PACSIN2: variants seen among roughly 807,000 people sequenced by gnomAD.
PACSIN2 encodes protein kinase C and casein kinase substrate in neurons protein 2.
A neutral mutation model predicts 63.8 loss-of-function variants in PACSIN2; 25 were observed. The observed-to-expected ratio is 0.39, with a 90% CI of 0.29 to 0.55. The LOEUF is 0.55. Ranked by LOEUF, PACSIN2 falls within the 20% of genes least tolerant of loss-of-function variation. The pLI, the probability that PACSIN2 is intolerant of heterozygous loss-of-function variation, is 0.62. For synonymous variants in PACSIN2, 255 were observed against 256.2 expected, an observed-to-expected ratio of 1.00 and a Z score of 0.05; for missense variants, 518 against 646.9, an observed-to-expected ratio of 0.80 and a Z score of 2.16.
chr22:43,001,302 T>C (rs770769895), intron 1 of PACSIN2, among the ~76,000 whole-genome samples: 2 of 152,204 alleles, frequency 1.3e-5, no homozygotes, highest in African/African-American at 4.8e-5. Context: ...GAGGCTTCCA[T>C]GAAGCCCCTG....
rs371287701 is a variant in PACSIN2, at chr22:42,871,501, G to C, written c.1349-32C>G. ...GACAAAGAGGGAGCCGTCTCCATGA[G>C]AGGTATGACACCGACGGTGGGCTAC... On this transcript the variant is annotated intron_variant, in intron 10 of 10. Coordinates refer to ENST00000263246, the MANE Select transcript of PACSIN2 (RefSeq NM_001184970.3). This position sits in a 1 kb window ranked among gnomAD's most constrained non-coding sequence, Gnocchi z 5.4. The C allele has an allele frequency of 2.0e-6, 3 of 1,513,188 alleles. No homozygotes were observed. The highest frequency in any genetic ancestry group is 2.8e-6 in the Non-Finnish European group (3 of 1,087,668). The allele number at this position is 1,513,188 out of a possible 1,614,324, so 93.7% of individuals were successfully genotyped here.
chr22:42,871,157 C>A lies in PACSIN2; in HGVS notation c.*200G>T. Reference sequence around the variant, plus strand: ...ATTTCTGTTGTTCTGCGTCTTCCTGCGCTCAGATCCCTCCAGCTGCACTCG... The same window carrying A: ...ATTTCTGTTGTTCTGCGTCTTCCTGAGCTCAGATCCCTCCAGCTGCACTCG... On this transcript the variant is annotated 3_prime_UTR_variant, in exon 11 of 11. Transcript: ENST00000263246. The surrounding 1 kb of genome is among the most constrained non-coding windows in gnomAD (Gnocchi z 5.4). 3.4e-6 allele frequency: 2 copies of A among 595,556 alleles called. No homozygotes were observed. The highest frequency in any genetic ancestry group is 6.0e-6 in the Non-Finnish European group (2 of 332,250). The allele number at this position is 595,556 out of a possible 1,614,324, so 36.9% of individuals were successfully genotyped here.
intron 2 of PACSIN2, among the ~76,000 whole-genome samples, chr22:42,900,770 G>A (rs1303928722): frequency 6.6e-6 from 1 of 152,170 alleles, no homozygotes; most frequent in Admixed American, 6.5e-5. Flanking sequence ...CACCGCACCC[G>A]ACCTAGTGTC....
At chr22:43,008,322 C>A (rs1924231559) in intron 1 of PACSIN2, among the ~76,000 whole-genome samples, 1 of 152,246 alleles carries the variant, frequency 6.6e-6, no homozygotes, top group East Asian at 1.9e-4. Flanking sequence ...ACAATCTCGG[C>A]TCACTGCAAC....
chr22:42,894,006 G>C (rs1457450899), intron 2 of PACSIN2, among the ~76,000 whole-genome samples: 1 of 152,122 alleles, frequency 6.6e-6, no homozygotes. Flanking sequence ...CTTCTGCTTT[G>C]ATGTCATCCA....
At chr22:43,005,364 G>A (rs1924025870) in intron 1 of PACSIN2, among the ~76,000 whole-genome samples, 1 of 152,194 alleles carries the variant, frequency 6.6e-6, no homozygotes, top group East Asian at 1.9e-4. Flanking sequence ...ACCCAGAAGA[G>A]AGCAAGGCCT....
chr22:42,899,306 A>G (rs1020671744), intron 2 of PACSIN2, among the ~76,000 whole-genome samples: 2 of 151,764 alleles, frequency 1.3e-5, no homozygotes, highest in African/African-American at 4.8e-5. Flanking sequence ...TTTTTTTTTG[A>G]GACGGAGTCT....
intron 2 of PACSIN2, among the ~76,000 whole-genome samples, chr22:42,911,393 G>A (rs943625180): frequency 1.1e-4 from 16 of 143,946 alleles, no homozygotes; most frequent in African/African-American, 3.9e-4. Flanking sequence ...CTGCGCTCTC[G>A]AGACCTCAAC....
At chr22:42,888,963 T>C (rs1436452927) in intron 4 of PACSIN2, among the ~76,000 whole-genome samples, 165 bp from the exon 5 acceptor site, 1 of 152,148 alleles carries the variant, frequency 6.6e-6, no homozygotes, top group African/African-American at 2.4e-5. Flanking sequence ...AGGAACGCAC[T>C]CAACACATAT....
chr22:42,952,427 C>T (rs1002900911), intron 1 of PACSIN2, among the ~76,000 whole-genome samples: 10 of 151,876 alleles, frequency 6.6e-5, no homozygotes, highest in Non-Finnish European at 1.2e-4. Flanking sequence ...ATGATCTTGG[C>T]TCACTGCAGC....
chr22:42,960,117 C>T (rs973046755), intron 1 of PACSIN2, among the ~76,000 whole-genome samples: 1 of 152,120 alleles, frequency 6.6e-6, no homozygotes, highest in Non-Finnish European at 1.5e-5. Flanking sequence ...CATACTACCC[C>T]CTCCCCAACA....
intron 1 of PACSIN2, among the ~76,000 whole-genome samples, chr22:42,956,895 C>T (rs1933938052): frequency 6.6e-6 from 1 of 152,098 alleles, no homozygotes; most frequent in Admixed American, 6.5e-5. Flanking sequence ...GGGAGGGAAG[C>T]ATATCAAATG....
intron 1 of PACSIN2, among the ~76,000 whole-genome samples, chr22:42,954,672 A>G (rs1341231368): frequency 6.6e-6 from 1 of 152,202 alleles, no homozygotes; most frequent in African/African-American, 2.4e-5. Context: ...AGTGGCTACC[A>G]CACTGGACAT....
intron 1 of PACSIN2, among the ~76,000 whole-genome samples, chr22:42,924,244 T>C (rs559890283): frequency 6.6e-6 from 1 of 152,250 alleles, no homozygotes; most frequent in Admixed American, 6.5e-5. Flanking sequence ...CCACTGTCAG[T>C]GCCACTATCA....
intron 1 of PACSIN2, among the ~76,000 whole-genome samples, chr22:42,970,824 T>C (rs11090130): frequency 0.017 from 2,636 of 152,174 alleles, 77 homozygotes; most frequent in African/African-American, 0.056. Context: ...CCACCAGATA[T>C]GGAGTGCTTG....
At chr22:42,942,621 C>A (rs1347320636) in intron 1 of PACSIN2, among the ~76,000 whole-genome samples, 1 of 152,166 alleles carries the variant, frequency 6.6e-6, no homozygotes, top group African/African-American at 2.4e-5. Flanking sequence ...CATGCTTCTG[C>A]AAGCAGATAT....
chr22:43,006,426 C>T (rs922958872), intron 1 of PACSIN2, among the ~76,000 whole-genome samples: 1 of 152,206 alleles, frequency 6.6e-6, no homozygotes, highest in African/African-American at 2.4e-5. Context: ...ATGTTCCTAA[C>T]CTCCAAAACC....
rs1475832052 is a variant in PACSIN2 at position 42,973,039 on chromosome 22, C to T, written c.-78+41982G>A. Among the ~76,000 whole-genome samples, 9 of 152,114 alleles carry T rather than the reference C, an allele frequency of 5.9e-5. No homozygotes were observed. The East Asian group carries it at 1.3e-3, about 23-fold the overall frequency. Reference sequence around the variant, plus strand: ...ATGACTTTTATGGCTGGGGTCAATACGGAAGTAAGAACTTTGACAGGGCAG... The same window carrying T: ...ATGACTTTTATGGCTGGGGTCAATATGGAAGTAAGAACTTTGACAGGGCAG... On this transcript the variant is annotated intron_variant, in intron 1 of 10. Coordinates refer to ENST00000263246, the MANE Select transcript of PACSIN2 (RefSeq NM_001184970.3).
chr22:42,907,275 T>C (rs144851731), intron 2 of PACSIN2, among the ~76,000 whole-genome samples: 1 of 152,346 alleles, frequency 6.6e-6, no homozygotes, highest in East Asian at 1.9e-4. Flanking sequence ...TGCAGAAAAC[T>C]GAAGCTTCCC....
Sources: gnomAD v4.1 joint callset for allele counts (sites outside exome capture counted in the v4.1 genomes callset) on GRCh38, gnomAD v4.1.1 for gene constraint, Gnocchi (gnomAD v3.1) non-coding constraint, MANE v1.5 for transcripts, NCBI Gene and HGNC (gene_info 2026-07-23, HGNC 2026-07-21) for gene names.